Variants in DAPK1 observed in about 807,000 individuals in gnomAD.
The protein encoded by DAPK1 is death-associated protein kinase 1.
A neutral mutation model predicts 144.9 loss-of-function variants in DAPK1; 56 were observed. The ratio of observed to expected loss-of-function variants is 0.39; its 90% CI spans 0.31 to 0.48. The LOEUF (loss-of-function observed/expected upper bound fraction) is 0.48. Among genes scored for constraint, DAPK1 ranks in the 20% least tolerant of loss-of-function variants. DAPK1 has a pLI of 0.95. For synonymous variants in DAPK1, 690 were observed against 749.0 expected (o/e 0.92, Z 1.29); for missense variants, 1,454 against 1,875.4 (o/e 0.78, Z 4.15).
At chr9:87,524,904 G>C (rs570825778) in intron 2 of DAPK1, among the ~76,000 whole-genome samples, 2 of 152,132 alleles carry the variant, frequency 1.3e-5, no homozygotes, top group Non-Finnish European at 2.9e-5. Context: ...GGGTGGGAAG[G>C]GGGTGAGAAA....
chr9:87,556,914 G>C (rs2118616075), intron 2 of DAPK1, among the ~76,000 whole-genome samples: 1 of 152,318 alleles, frequency 6.6e-6, no homozygotes, highest in South Asian at 2.1e-4. Context: ...TCCTTGAAGA[G>C]CCAGTCCTGC....
chr9:87,685,561 C>A (rs962562391), intron 20 of DAPK1, among the ~76,000 whole-genome samples: 7 of 152,142 alleles, frequency 4.6e-5, no homozygotes, highest in African/African-American at 1.7e-4. Context: ...CAGCCCTGAC[C>A]AGAAAGGCAG....
Position 87,559,154 on chromosome 9 carries a change from T to C in DAPK1, c.63-45800T>C, listed in dbSNP as rs2118635361. Among the ~76,000 whole-genome samples, 4 of 152,330 alleles carry C rather than the reference T, an allele frequency of 2.6e-5. 1 individual carries two copies. The highest frequency in any genetic ancestry group is 9.6e-5 in the African/African-American group (4 of 41,570). ...CGTGTATTATCTAATTTAATCTACT[T>C]AACCCTATAAGTTAGATGAAATATT... On this transcript the variant is annotated intron_variant, in intron 2 of 25. Transcript: ENST00000408954.
chr9:87,659,840 C>T (rs1253821196), intron 18 of DAPK1, among the ~76,000 whole-genome samples: 1 of 150,918 alleles, frequency 6.6e-6, no homozygotes, highest in Non-Finnish European at 1.5e-5. Flanking sequence ...CGCAGTCACT[C>T]CGCACACACC....
At chr9:87,672,298 A>G (rs1458000730) in intron 19 of DAPK1, among the ~76,000 whole-genome samples, 1 of 152,146 alleles carries the variant, frequency 6.6e-6, no homozygotes, top group East Asian at 1.9e-4. Context: ...TTTACAACAC[A>G]CAGTTTGTAA....
chr9:87,652,235 C>G (rs1456111976), intron 17 of DAPK1, among the ~76,000 whole-genome samples: 1 of 132,870 alleles, frequency 7.5e-6, no homozygotes, highest in Non-Finnish European at 1.6e-5. Context: ...TGTCCTCCCA[C>G]CTGATCCCAG....
chr9:87,621,699 C>A (rs1337724895), intron 3 of DAPK1, among the ~76,000 whole-genome samples: 1 of 152,188 alleles, frequency 6.6e-6, no homozygotes, highest in Non-Finnish European at 1.5e-5. Context: ...ATTCCTGATG[C>A]AGGCAGCTGA....
chr9:87,530,242 C>G (rs553789550), intron 2 of DAPK1, among the ~76,000 whole-genome samples: 1 of 152,218 alleles, frequency 6.6e-6, no homozygotes, highest in African/African-American at 2.4e-5. Context: ...GAGCCTGCCA[C>G]TTTGATTTGG....
Position 87,698,809 on chromosome 9 carries a change from CT to C in DAPK1, c.2750+17del. On this transcript the variant is annotated intron_variant, in intron 23 of 25. Transcript: ENST00000408954. The stretch of plus-strand genomic sequence containing the variant: ...ATTAGGAACAGGTGAGGGGCAGCCA[CT>C]TAGTCTCCAGCTCACGGGTAGCCTC... The C allele has an allele frequency of 6.4e-7, 1 of 1,556,332 alleles. No individual in the cohort carries two copies. The highest frequency in any genetic ancestry group is 1.3e-5 in the African/African-American group (1 of 74,180).
chr9:87,556,693 T>C (rs7855635), intron 2 of DAPK1, among the ~76,000 whole-genome samples: 52,589 of 152,086 alleles, frequency 0.35, 9,457 homozygotes, highest in Middle Eastern at 0.51. Flanking sequence ...GGTACAAGGC[T>C]GTGGTACTTC....
chr9:87,598,387 T>C (rs1277891581), intron 2 of DAPK1, among the ~76,000 whole-genome samples: 1 of 152,218 alleles, frequency 6.6e-6, no homozygotes, highest in Non-Finnish European at 1.5e-5. Flanking sequence ...TTCATCGTAA[T>C]ACTAGTTACC....
intron 2 of DAPK1, among the ~76,000 whole-genome samples, chr9:87,548,042 A>G (rs1338590103): frequency 6.6e-6 from 1 of 152,186 alleles, no homozygotes; most frequent in Non-Finnish European, 1.5e-5. Flanking sequence ...AGGGCCGGGC[A>G]TTATTCTAAG....
chr9:87,632,904 G>GTATATATA lies in DAPK1; in HGVS notation c.285-5028_285-5021dup, dbSNP rs139806970. ...TACATGTAGGGATGAAGGAGGATGA[G>GTATATATA]TATATATATATATATATAAATGAAG... On this transcript the variant is annotated intron_variant, in intron 3 of 25. Coordinates refer to ENST00000408954, the MANE Select transcript of DAPK1 (RefSeq NM_004938.4). 4,916 of 805,250 alleles carry GTATATATA rather than the reference G, an allele frequency of 6.1e-3. 222 individuals are homozygous for GTATATATA. The African/African-American group carries it at 0.091, about 15-fold the overall frequency. 49.9% of individuals were successfully genotyped at this position (805,250 alleles called of 1,614,324 possible).
At chr9:87,571,470 CA>C (rs1177346370) in intron 2 of DAPK1, among the ~76,000 whole-genome samples, 11,288 of 53,044 alleles carry the variant, frequency 0.21, 1,981 homozygotes, top group Non-Finnish European at 0.23. Flanking sequence ...CACACACACA[CA>C]CACCAACACA....
chr9:87,703,810 A>G (rs1825541818), intron 25 of DAPK1, among the ~76,000 whole-genome samples: 2 of 152,310 alleles, frequency 1.3e-5, no homozygotes, highest in South Asian at 4.1e-4. Flanking sequence ...GACATTGAGC[A>G]CCAGGGCGCG....
chr9:87,589,246 AC>A (rs1828043926), intron 2 of DAPK1, among the ~76,000 whole-genome samples: 1 of 151,896 alleles, frequency 6.6e-6, no homozygotes, highest in Non-Finnish European at 1.5e-5. Flanking sequence ...ACTCTTAGAG[AC>A]CATAGTCCAG....
intron 2 of DAPK1, among the ~76,000 whole-genome samples, chr9:87,516,415 G>A (rs528774166): frequency 2.6e-5 from 4 of 152,182 alleles, no homozygotes; most frequent in African/African-American, 7.2e-5. Context: ...TACTGAGCAG[G>A]CCTCATGAGT....
chr9:87,651,616 T>C lies in DAPK1; in HGVS notation c.1716T>C (p.Tyr572=), dbSNP rs371985981. Reference sequence around the variant, plus strand: ...TCAGCCAAGGGTGTTTCGTCGATTATCAAGACAGGCACGGCAATACTCCCC... The same window carrying C: ...TCAGCCAAGGGTGTTTCGTCGATTACCAAGACAGGCACGGCAATACTCCCC... ...TLLSQGCFVD[Y]QDRHGNTPLH... Residue 572 remains tyrosine (Y), a synonymous_variant, in exon 17 of 26, where the codon TAT becomes TAC. Coordinates refer to ENST00000408954, the MANE Select transcript of DAPK1 (RefSeq NM_004938.4). 22 of 1,614,012 alleles carry C rather than the reference T, an allele frequency of 1.4e-5. No homozygotes were observed. The highest frequency in any genetic ancestry group is 1.7e-5 in the Non-Finnish European group (20 of 1,180,018).
At chr9:87,550,631 T>C (rs1826442888) in intron 2 of DAPK1, among the ~76,000 whole-genome samples, 1 of 152,238 alleles carries the variant, frequency 6.6e-6, no homozygotes, top group Admixed American at 6.5e-5. Flanking sequence ...ACTAATGACA[T>C]CTACAATGAC....
Sources: allele counts gnomAD v4.1 joint callset (sites outside exome capture counted in the v4.1 genomes callset), GRCh38; gene constraint gnomAD v4.1.1; transcripts MANE v1.5; gene names NCBI Gene and HGNC (gene_info 2026-07-23, HGNC 2026-07-21).